The following SLC14A2 variants were observed in gnomAD, a reference collection of about 807,000 sequenced individuals.
SLC14A2 encodes the protein urea transporter 2.
A neutral mutation model predicts 104.6 loss-of-function variants in SLC14A2; 91 were observed. That is an observed-to-expected ratio of 0.87 (90% CI 0.73 to 1.04). SLC14A2 has a LOEUF of 1.04. Ranked by LOEUF, SLC14A2 falls within the 50% of genes least tolerant of loss-of-function variation. SLC14A2 has a pLI of 0.00. For synonymous variants in SLC14A2, 476 were observed against 466.4 expected (o/e 1.02, Z -0.27); for missense variants, 1,189 against 1,156.0 (o/e 1.03, Z -0.41).
chr18:45,499,941 G>T (rs1180034335), intron 2 of SLC14A2, among the ~76,000 whole-genome samples: 1 of 152,188 alleles, frequency 6.6e-6, no homozygotes. Context: ...ATTGAACTCT[G>T]TGAGCCAAAC....
At chr18:45,327,028 C>CTCCA (rs10658773) in intron 1 of SLC14A2, among the ~76,000 whole-genome samples, 6,802 of 150,670 alleles carry the variant, frequency 0.045, 270 homozygotes, top group African/African-American at 0.11. Flanking sequence ...CTGTCTATCT[C>CTCCA]TCCATCCATC....
intron 1 of SLC14A2, among the ~76,000 whole-genome samples, chr18:45,305,002 G>A (rs1277098703): frequency 1.4e-5 from 2 of 147,216 alleles, no homozygotes; most frequent in Non-Finnish European, 3.0e-5. Flanking sequence ...TGGAGAGGCA[G>A]AAACTACCCC....
intron 2 of SLC14A2, among the ~76,000 whole-genome samples, chr18:45,578,877 G>T (rs888983952): frequency 1.3e-5 from 2 of 152,208 alleles, no homozygotes; most frequent in African/African-American, 4.8e-5. Context: ...GAAGGTTTCT[G>T]GGGGCTGGCT....
Position 45,632,362 on chromosome 18 carries a change from C to T in SLC14A2, c.534C>T (p.Ala178=). The T allele has an allele frequency of 6.2e-7, 1 of 1,612,976 alleles. No homozygotes were observed. Among genetic ancestry groups the T allele is most frequent in the Non-Finnish European group, 8.5e-7 (1 of 1,179,558 alleles). ...LALGQDRSAI[A]SGLHGYNGML... ...GTTTCACCGCCAGGTCTGCCATTGC[C>T]TCAGGACTCCATGGGTACAACGGGA... Residue 178 remains alanine (A), a synonymous_variant, in exon 5 of 20, where the codon GCC becomes GCT. Transcript: ENST00000255226.
the SLC14A2 span, among the ~76,000 whole-genome samples, chr18:45,192,649 TTTGTTTTG>T: frequency 1.1e-3 from 161 of 148,596 alleles, no homozygotes; most frequent in African/African-American, 3.9e-3. Context: ...TTTTTTTTGT[TTTGTTTTG>T]TTTTGTTTTG....
chr18:45,490,192 A>G (rs1235312634), intron 2 of SLC14A2, among the ~76,000 whole-genome samples: 1 of 152,248 alleles, frequency 6.6e-6, no homozygotes, highest in Non-Finnish European at 1.5e-5. Flanking sequence ...CTGACTATGA[A>G]GAAGATGAAT....
intron 11 of SLC14A2, among the ~76,000 whole-genome samples, chr18:45,665,287 C>T (rs1381878181): frequency 2.0e-5 from 3 of 152,200 alleles, no homozygotes; most frequent in Non-Finnish European, 4.4e-5. Flanking sequence ...TATTCTCACA[C>T]TTGACCACAG....
chr18:45,341,174 C>G (rs537471966), intron 1 of SLC14A2, among the ~76,000 whole-genome samples: 1 of 151,192 alleles, frequency 6.6e-6, no homozygotes, highest in Admixed American at 6.6e-5. Context: ...TTTCTGAACA[C>G]GTATTTATTA....
chr18:45,636,631 G>T lies in SLC14A2; in HGVS notation c.651-359G>T, dbSNP rs2045420784. Among the ~76,000 whole-genome samples, 4 of 152,088 alleles carry T rather than the reference G, an allele frequency of 2.6e-5. 1 individual carries two copies. In the South Asian group the frequency reaches 6.2e-4, roughly 24 times the overall value. On this transcript the variant is annotated intron_variant, in intron 5 of 19. Transcript: ENST00000255226. ...CATTGTACACCTTGGTGATTCAAAG[G>T]CAATACATTACATTTTGTTTAGTTT...
At chr18:45,613,772 T>C (rs2045012537), upstream of SLC14A2, among the ~76,000 whole-genome samples, 1 of 152,244 alleles carries the variant, frequency 6.6e-6, no homozygotes, top group Non-Finnish European at 1.5e-5. Flanking sequence ...ACCTCGGTGC[T>C]CTTAAAAGGA....
intron 2 of SLC14A2, among the ~76,000 whole-genome samples, chr18:45,535,163 G>A (rs924017845): frequency 2.0e-5 from 3 of 152,266 alleles, no homozygotes. Context: ...TCTTTTTCTA[G>A]TCAGTCGCGT....
the SLC14A2 span, among the ~76,000 whole-genome samples, chr18:45,190,650 G>C: frequency 6.6e-6 from 1 of 152,172 alleles, no homozygotes; most frequent in Non-Finnish European, 1.5e-5. Context: ...ATTCAGTTCA[G>C]TGAGAACCAG....
At chr18:45,197,635 G>A in the SLC14A2 span, among the ~76,000 whole-genome samples, 1 of 152,186 alleles carries the variant, frequency 6.6e-6, no homozygotes, top group African/African-American at 2.4e-5. Context: ...TCCCACTGAT[G>A]GGTTTATAAT....
intron 1 of SLC14A2, among the ~76,000 whole-genome samples, chr18:45,260,213 G>A (rs2084521752): frequency 2.0e-5 from 3 of 152,156 alleles, no homozygotes; most frequent in Non-Finnish European, 4.4e-5. Context: ...TCTGTGCAAT[G>A]GATCATACTA....
At chr18:45,436,892 G>A (rs1174513144) in intron 1 of SLC14A2, among the ~76,000 whole-genome samples, 1 of 152,150 alleles carries the variant, frequency 6.6e-6, no homozygotes, top group Non-Finnish European at 1.5e-5. Flanking sequence ...GCAAGGGAAA[G>A]GGGATAGAAT....
At chr18:45,439,425 A>G (rs1261666616) in intron 1 of SLC14A2, among the ~76,000 whole-genome samples, 1 of 149,612 alleles carries the variant, frequency 6.7e-6, no homozygotes, top group African/African-American at 2.5e-5. Flanking sequence ...ACTGATTCTC[A>G]TGCTATGTAT....
At chr18:45,503,597 A>G (rs909812343) in intron 2 of SLC14A2, among the ~76,000 whole-genome samples, 8 of 152,140 alleles carry the variant, frequency 5.3e-5, no homozygotes, top group African/African-American at 1.4e-4. Flanking sequence ...CAGTTCTCAG[A>G]CACAATCTCC....
chr18:45,531,543 G>A (rs1230755734), intron 2 of SLC14A2, among the ~76,000 whole-genome samples: 1 of 152,098 alleles, frequency 6.6e-6, no homozygotes, highest in Non-Finnish European at 1.5e-5. Context: ...TTTTTGATGG[G>A]ATTGTTTGTT....
At chr18:45,385,910 T>C (rs2085891154) in intron 1 of SLC14A2, among the ~76,000 whole-genome samples, 1 of 152,154 alleles carries the variant, frequency 6.6e-6, no homozygotes, top group Non-Finnish European at 1.5e-5. Context: ...TTGAAGCAGC[T>C]GAAGCTTTCA....
Sources: gnomAD v4.1 joint callset for allele counts (sites outside exome capture counted in the v4.1 genomes callset) on GRCh38, gnomAD v4.1.1 for gene constraint, MANE v1.5 for transcripts, NCBI Gene and HGNC (gene_info 2026-07-23, HGNC 2026-07-21) for gene names.